The following FARS2 variants were observed in gnomAD, a reference collection of about 807,000 sequenced individuals.
FARS2 encodes the protein phenylalanyl-tRNA synthetase 2, mitochondrial.
Under a neutral mutation model 46.4 loss-of-function variants are expected in FARS2, and 40 were observed. The ratio of observed to expected loss-of-function variants is 0.86; its 90% CI spans 0.67 to 1.12. FARS2 has a LOEUF of 1.12. FARS2 is among the 50% of genes most tolerant of loss of function. FARS2 has a pLI of 0.00. For synonymous variants in FARS2, 234 were observed against 214.9 expected, an observed-to-expected ratio of 1.09 and a Z score of -0.78; for missense variants, 513 against 567.9, an observed-to-expected ratio of 0.90 and a Z score of 0.98.
intron 3 of FARS2, among the ~76,000 whole-genome samples, chr6:5,417,292 C>T (rs989868417): frequency 6.6e-6 from 1 of 152,116 alleles, no homozygotes; most frequent in Non-Finnish European, 1.5e-5. Context: ...TCATGGCCCA[C>T]TGCAGCCTCC....
intron 1 of FARS2, among the ~76,000 whole-genome samples, chr6:5,310,086 T>G (rs980516699): frequency 6.6e-6 from 1 of 152,150 alleles, no homozygotes; most frequent in Non-Finnish European, 1.5e-5. Flanking sequence ...GAAATTAGAT[T>G]ATGATAATGA....
intron 6 of FARS2, among the ~76,000 whole-genome samples, chr6:5,660,107 C>A (rs759327205): frequency 2.0e-5 from 3 of 152,184 alleles, no homozygotes; most frequent in Non-Finnish European, 4.4e-5. Context: ...CTTGCACTCT[C>A]TGGCTCACAA....
chr6:5,539,754 G>T lies in FARS2; in HGVS notation c.905-5426G>T, dbSNP rs80350454. Among the ~76,000 whole-genome samples the T allele has an allele frequency of 8.7e-3, 1,321 of 152,216 alleles. 15 individuals carry two copies. The highest frequency in any genetic ancestry group is 0.029 in the African/African-American group (1,210 of 41,512). ...TCTGTATGGCAGTAATGGAATGGCA[G>T]GAGCAACTATCTCTTGTGGCCATTT... On this transcript the variant is annotated intron_variant, in intron 4 of 6. Transcript: ENST00000274680.
At chr6:5,693,666 C>T (rs544346782) in intron 6 of FARS2, among the ~76,000 whole-genome samples, 77 of 152,306 alleles carry the variant, frequency 5.1e-4, no homozygotes, top group African/African-American at 1.7e-3. Context: ...TTCTGTGATG[C>T]TGGGGCCTTG....
chr6:5,484,093 T>G (rs989838813), intron 4 of FARS2, among the ~76,000 whole-genome samples: 1 of 152,082 alleles, frequency 6.6e-6, no homozygotes, highest in Non-Finnish European at 1.5e-5. Flanking sequence ...ACAGAATGAG[T>G]GAGACCCTGT....
rs116629551 is a variant in FARS2, at chr6:5,609,820, A to T, written c.1066-3349A>T. 6.9e-6 allele frequency: 8 copies of T among 1,157,976 alleles called. No homozygotes were observed. In the African/African-American group the frequency reaches 1.2e-4, roughly 17 times the overall value. 71.7% of individuals were successfully genotyped at this position (1,157,976 alleles called of 1,614,324 possible). ...CAGTTTTTCCAAACTGTTCAAAATA[A>T]TCTCTTCAAAATAATCTCTTAGGTG... On this transcript the variant is annotated intron_variant, in intron 5 of 6. Transcript: ENST00000274680.
intron 4 of FARS2, among the ~76,000 whole-genome samples, chr6:5,528,094 C>G (rs1403915630): frequency 1.3e-5 from 2 of 152,280 alleles, no homozygotes; most frequent in East Asian, 3.9e-4. Flanking sequence ...CTGCAATACC[C>G]TATCCCAATT....
intron 6 of FARS2, among the ~76,000 whole-genome samples, chr6:5,762,157 T>C (rs1260582055): frequency 6.6e-6 from 1 of 152,236 alleles, no homozygotes. Context: ...CTGTGTGGGC[T>C]GAAGTAGAGG....
chr6:5,297,255 C>G (rs538575666), intron 1 of FARS2, among the ~76,000 whole-genome samples: 1 of 152,238 alleles, frequency 6.6e-6, no homozygotes, highest in African/African-American at 2.4e-5. Context: ...GACTGAGGGC[C>G]CCTGCCTCAT....
intron 1 of FARS2, among the ~76,000 whole-genome samples, chr6:5,275,690 T>G (rs1349622071): frequency 6.6e-6 from 1 of 152,286 alleles, no homozygotes; most frequent in South Asian, 2.1e-4. Context: ...TTGCATTTGT[T>G]TGGATTATAT....
intron 5 of FARS2, among the ~76,000 whole-genome samples, chr6:5,595,141 TC>T (rs1383268311): frequency 6.6e-6 from 1 of 152,226 alleles, no homozygotes; most frequent in African/African-American, 2.4e-5. Flanking sequence ...GAAGGTCCTT[TC>T]TGTCTTGTAG....
intron 1 of FARS2, among the ~76,000 whole-genome samples, chr6:5,347,809 G>C (rs1561974964): frequency 6.6e-6 from 1 of 152,056 alleles, no homozygotes; most frequent in Non-Finnish European, 1.5e-5. Context: ...ACCGACATTT[G>C]GTGTTTTCAG....
chr6:5,650,642 G>A (rs1279194504), intron 6 of FARS2, among the ~76,000 whole-genome samples: 2 of 151,994 alleles, frequency 1.3e-5, no homozygotes, highest in Non-Finnish European at 2.9e-5. Flanking sequence ...CACCACGCCC[G>A]GCCAATTTTT....
intron 1 of FARS2, among the ~76,000 whole-genome samples, chr6:5,334,254 T>A (rs1319887423): frequency 6.6e-6 from 1 of 152,212 alleles, no homozygotes; most frequent in Non-Finnish European, 1.5e-5. Flanking sequence ...GCAGGGAGTA[T>A]GGCACTCGTA....
chr6:5,255,439 T>C, the FARS2 span, among the ~76,000 whole-genome samples: 1 of 152,208 alleles, frequency 6.6e-6, no homozygotes, highest in Non-Finnish European at 1.5e-5. Context: ...ATGGTTATTC[T>C]TCATAAAAGT....
intron 6 of FARS2, among the ~76,000 whole-genome samples, chr6:5,724,710 C>G (rs994731446): frequency 1.3e-5 from 2 of 152,228 alleles, no homozygotes; most frequent in African/African-American, 4.8e-5. Flanking sequence ...CTCACCTCCC[C>G]TCAGCCTCTG....
chr6:5,354,516 C>CTTT (rs529291216), intron 1 of FARS2, among the ~76,000 whole-genome samples: 4 of 140,002 alleles, frequency 2.9e-5, no homozygotes, highest in African/African-American at 7.8e-5. Flanking sequence ...TAGTGGTTTC[C>CTTT]TTTTTTTTTT....
intron 2 of FARS2, among the ~76,000 whole-genome samples, chr6:5,396,374 T>G (rs1760903763): frequency 6.6e-6 from 1 of 152,200 alleles, no homozygotes; most frequent in African/African-American, 2.4e-5. Context: ...ATTTGTTTTT[T>G]GCATAATCAT....
Position 5,550,494 on chromosome 6 carries a change from G to A in FARS2, c.1065+5154G>A, listed in dbSNP as rs560917771. 2.5e-4 allele frequency among the ~76,000 whole-genome samples: 38 copies of A among 152,224 alleles called. No individual in the cohort carries two copies. The South Asian group carries it at 7.9e-3, about 32-fold the overall frequency. On this transcript the variant is annotated intron_variant, in intron 5 of 6. Coordinates refer to ENST00000274680, the MANE Select transcript of FARS2 (RefSeq NM_006567.5). Reference sequence around the variant, plus strand: ...TTGCCCAGGCTGTTCTTCAACTCCTGGGCTCAAGCAGTCTGCCTGCCTTGG... The same window carrying A: ...TTGCCCAGGCTGTTCTTCAACTCCTAGGCTCAAGCAGTCTGCCTGCCTTGG...
Sources: allele counts gnomAD v4.1 joint callset (sites outside exome capture counted in the v4.1 genomes callset), GRCh38; gene constraint gnomAD v4.1.1; transcripts MANE v1.5; gene names NCBI Gene and HGNC (gene_info 2026-07-23, HGNC 2026-07-21).